STAU2: variants seen among roughly 807,000 people sequenced by gnomAD.
STAU2 encodes the protein double-stranded RNA-binding protein Staufen homolog 2.
Under a neutral mutation model 65.9 loss-of-function variants are expected in STAU2, and 20 were observed. That is an observed-to-expected ratio of 0.30 (90% confidence interval 0.21 to 0.44). The LOEUF is 0.44. Ranked by LOEUF, STAU2 falls within the 20% of genes least tolerant of loss-of-function variation. The pLI, the probability that STAU2 is intolerant of heterozygous loss-of-function variation, is 1.00. For synonymous variants in STAU2, 232 were observed against 233.9 expected, an observed-to-expected ratio of 0.99 and a Z score of 0.07; for missense variants, 558 against 683.9, an observed-to-expected ratio of 0.82 and a Z score of 2.05.
chr8:73,733,454 C>CG (rs944380598), intron 3 of STAU2, among the ~76,000 whole-genome samples: 1 of 152,076 alleles, frequency 6.6e-6, no homozygotes, highest in African/African-American at 2.4e-5. Flanking sequence ...TTCCTTTTCC[C>CG]GGGGGACCTA....
At position 73,603,808 on chromosome 8, in the gene STAU2, T is replaced by C; in HGVS notation, c.947A>G (p.Gln316Arg). 1 of 1,612,194 alleles carries C rather than the reference T, an allele frequency of 6.2e-7. No individual in the cohort carries two copies. Among genetic ancestry groups the C allele is most frequent in the Non-Finnish European group, 8.5e-7 (1 of 1,179,904 alleles). Residue 316 changes from glutamine (Q) to arginine (R), a missense_variant, in exon 10 of 15, where the codon CAA becomes CGA. Physicochemically the swap from Gln to Arg is conservative, Grantham distance 43 (BLOSUM62 1). This residue lies in a region of STAU2 where 199 missense variants were observed against 299.5 expected (regional missense o/e 0.66). Coordinates refer to ENST00000524300, the MANE Select transcript of STAU2 (RefSeq NM_001164380.2). ...MNPISRLAQI[Q>R]QAKKEKEPDY... is the part of the protein sequence containing the mutation. ...CGGCTCCTTTTCCTTTTTGGCCTGT[T>C]GAATTTGCGCCAGGCGGCTAATAGG...
intron 13 of STAU2, among the ~76,000 whole-genome samples, chr8:73,528,175 T>C (rs1388599964): frequency 6.6e-6 from 1 of 152,178 alleles, no homozygotes; most frequent in East Asian, 1.9e-4. Context: ...ACCTGAATTT[T>C]CTCTCTTCTT....
chr8:73,558,783 ATTTCT>A (rs199934148), intron 12 of STAU2, among the ~76,000 whole-genome samples: 5,347 of 150,734 alleles, frequency 0.035, 261 homozygotes, highest in Admixed American at 0.13. Context: ...ACAACAAATA[ATTTCT>A]TTTCATTTTT....
chr8:73,505,760 G>A (rs934796844), intron 13 of STAU2, among the ~76,000 whole-genome samples: 1 of 151,978 alleles, frequency 6.6e-6, no homozygotes, highest in African/African-American at 2.4e-5. Context: ...CGGTGTGGAT[G>A]TCTGTCCCCT....
At chr8:73,502,091 T>C (rs761212217) in intron 13 of STAU2, among the ~76,000 whole-genome samples, 1 of 151,980 alleles carries the variant, frequency 6.6e-6, no homozygotes, top group Non-Finnish European at 1.5e-5. Flanking sequence ...ATTTTTTTTA[T>C]GGCTAATAAT....
At chr8:73,587,646 C>T (rs904142571) in intron 11 of STAU2, among the ~76,000 whole-genome samples, 1 of 152,212 alleles carries the variant, frequency 6.6e-6, no homozygotes, top group African/African-American at 2.4e-5. Flanking sequence ...GTTAAACCCT[C>T]ATTTTCCATA....
At chr8:73,726,000 G>A (rs1442960561) in intron 3 of STAU2, among the ~76,000 whole-genome samples, 5 of 147,108 alleles carry the variant, frequency 3.4e-5, no homozygotes, top group African/African-American at 7.6e-5. Flanking sequence ...TATGATGTGC[G>A]TGGTTAGGTT....
chr8:73,736,540 C>T (rs566354818), intron 3 of STAU2, among the ~76,000 whole-genome samples: 1 of 152,300 alleles, frequency 6.6e-6, no homozygotes, highest in East Asian at 1.9e-4. Flanking sequence ...GCAAGCCAAA[C>T]CCAGGGGTGG....
At chr8:73,550,773 G>T (rs2128942494) in intron 13 of STAU2, 4 of 987,316 alleles carry the variant, frequency 4.1e-6, no homozygotes, top group Non-Finnish European at 4.8e-6. Flanking sequence ...ACAGCTTCTT[G>T]AAGTTCATAT....
chr8:73,459,362 C>CA (rs34970774), intron 13 of STAU2, among the ~76,000 whole-genome samples: 1 of 151,944 alleles, frequency 6.6e-6, no homozygotes, highest in Non-Finnish European at 1.5e-5. Flanking sequence ...AGATTTGCAC[C>CA]AAAAAAGCCA....
rs915537130 is a variant in STAU2 at position 73,739,478 on chromosome 8, C to T, written c.-84+278G>A. 2.6e-5 allele frequency among the ~76,000 whole-genome samples: 4 copies of T among 152,216 alleles called. No homozygotes were observed. In the East Asian group the frequency reaches 7.7e-4, roughly 29 times the overall value. ...TATGCTGCTAAATTTTAATATTGAACTTTCCCCTGGAAGCAAACGTTTTGT... is the reference window on the plus strand; with the variant it reads ...TATGCTGCTAAATTTTAATATTGAATTTTCCCCTGGAAGCAAACGTTTTGT... On this transcript the variant is annotated intron_variant, in intron 2 of 14. Transcript: ENST00000524300.
intron 5 of STAU2, among the ~76,000 whole-genome samples, 139 bp downstream of exon 5, chr8:73,688,489 CGTGTGTGTGTGTGTGTGTGTGTGTGT>C (rs34713766): frequency 6.8e-6 from 1 of 146,862 alleles, no homozygotes; most frequent in African/African-American, 2.5e-5. Context: ...TTTATGCTAC[CGTGTGTGTGTGTGTGTGTGTGTGTGT>C]GTGTGTGTGT....
At chr8:73,483,130 T>C (rs1221778402) in intron 13 of STAU2, among the ~76,000 whole-genome samples, 1 of 152,118 alleles carries the variant, frequency 6.6e-6, no homozygotes, top group African/African-American at 2.4e-5. Context: ...CTCTGGTCTC[T>C]AGTAGCATAA....
intron 11 of STAU2, among the ~76,000 whole-genome samples, chr8:73,594,514 C>T (rs1811045458): frequency 6.6e-6 from 1 of 152,104 alleles, no homozygotes; most frequent in Admixed American, 6.6e-5. Context: ...GTCTACATAT[C>T]CACAGATAAC....
intron 5 of STAU2, among the ~76,000 whole-genome samples, chr8:73,681,298 T>A (rs1371147035): frequency 2.0e-5 from 3 of 152,190 alleles, no homozygotes; most frequent in Admixed American, 6.5e-5. Context: ...CAGATGGAAT[T>A]GAGGTCCTAT....
intron 6 of STAU2, among the ~76,000 whole-genome samples, chr8:73,649,871 A>ATATG (rs1554555930): frequency 1.1e-5 from 1 of 90,974 alleles, no homozygotes; most frequent in Non-Finnish European, 2.1e-5. Context: ...ATATAATTTT[A>ATATG]TATATATATA....
intron 9 of STAU2, among the ~76,000 whole-genome samples, chr8:73,604,984 T>C (rs188698952): frequency 3.1e-4 from 47 of 152,126 alleles, no homozygotes; most frequent in Non-Finnish European, 5.4e-4. Flanking sequence ...GATGCATTAT[T>C]TGAAATAGGA....
intron 3 of STAU2, among the ~76,000 whole-genome samples, chr8:73,727,368 T>C (rs1805718086): frequency 6.6e-6 from 1 of 152,234 alleles, no homozygotes; most frequent in African/African-American, 2.4e-5. Context: ...CATTAGGCAG[T>C]TGCTTCTCAT....
chr8:73,481,256 G>T (rs1044832994), intron 13 of STAU2, among the ~76,000 whole-genome samples: 3 of 151,826 alleles, frequency 2.0e-5, no homozygotes, highest in Non-Finnish European at 4.4e-5. Flanking sequence ...GAAAACACTT[G>T]GGGTTTTAGT....
Sources: gnomAD v4.1 joint callset for allele counts (sites outside exome capture counted in the v4.1 genomes callset) on GRCh38, gnomAD v4.1.1 for gene constraint, gnomAD v4.1.1 regional missense constraint, MANE v1.5 for transcripts, NCBI Gene and HGNC (gene_info 2026-07-23, HGNC 2026-07-21) for gene names.